The following LUC7L2 variants were observed in gnomAD, a reference collection of about 807,000 sequenced individuals.
LUC7L2 encodes LUC7 like 2, pre-mRNA splicing factor.
LUC7L2 carries 25 observed loss-of-function variants against 52.8 expected under a neutral mutation model. The ratio of observed to expected loss-of-function variants is 0.47; its 90% CI spans 0.34 to 0.66. The LOEUF (loss-of-function observed/expected upper bound fraction) is 0.66, where lower values mean the gene tolerates loss of function less well. Ranked by LOEUF, LUC7L2 falls within the 30% of genes least tolerant of loss-of-function variation. The probability of loss-of-function intolerance (pLI) is 0.01; values close to 1 mark genes in which losing one functional copy is unlikely to be tolerated. For missense variants in LUC7L2, 328 were observed against 497.8 expected, an observed-to-expected ratio of 0.66 and a Z score of 3.25; for synonymous variants, 144 against 160.9, an observed-to-expected ratio of 0.89 and a Z score of 0.80.
At chr7:139,412,881 G>C (rs1795429960) in intron 8 of LUC7L2, 1 of 172,938 alleles carries the variant, frequency 5.8e-6, no homozygotes, top group Non-Finnish European at 1.2e-5. Flanking sequence ...TAGATGCTCA[G>C]AGTAGATACG....
intron 9 of LUC7L2, among the ~76,000 whole-genome samples, chr7:139,421,650 A>G (rs1002496692): frequency 2.0e-5 from 3 of 152,210 alleles, no homozygotes; most frequent in African/African-American, 7.2e-5. Flanking sequence ...GGTGTTGGCA[A>G]ACTGTTGCCG....
chr7:139,412,622 C>A (rs540402016), intron 8 of LUC7L2, 42 bp downstream of exon 8: 36 of 1,551,508 alleles, frequency 2.3e-5, no homozygotes, highest in Non-Finnish European at 3.0e-5. Flanking sequence ...GTGAAGTTGT[C>A]TTTTTCAAAG....
chr7:139,399,413 C>A (rs1585116469), intron 3 of LUC7L2, among the ~76,000 whole-genome samples: 2 of 143,662 alleles, frequency 1.4e-5, no homozygotes, highest in African/African-American at 5.0e-5. Flanking sequence ...CAATCTCCCA[C>A]AGATACTGAG....
intron 1 of LUC7L2, among the ~76,000 whole-genome samples, chr7:139,354,155 T>G (rs537093026): frequency 3.9e-5 from 6 of 152,220 alleles, no homozygotes; most frequent in Admixed American, 2.0e-4. Context: ...GAGAACAAAC[T>G]TCCAATTCTG....
At chr7:139,366,093 C>T (rs572341409) in intron 1 of LUC7L2, among the ~76,000 whole-genome samples, 1 of 152,218 alleles carries the variant, frequency 6.6e-6, no homozygotes, top group African/African-American at 2.4e-5. Flanking sequence ...AAGTCAAAGC[C>T]GTCAGAAAGT....
chr7:139,357,152 A>G (rs1799629568), upstream of LUC7L2, among the ~76,000 whole-genome samples: 1 of 152,144 alleles, frequency 6.6e-6, no homozygotes, highest in Non-Finnish European at 1.5e-5. Context: ...ATAAAAATAT[A>G]ATAAAATGAA....
chr7:139,384,344 C>G (rs1435576277), intron 2 of LUC7L2, among the ~76,000 whole-genome samples: 2 of 151,188 alleles, frequency 1.3e-5, no homozygotes, highest in South Asian at 2.1e-4. Flanking sequence ...TGGCTCACTG[C>G]AACCTCTGCC....
chr7:139,385,747 CAT>C (rs1240167305), intron 2 of LUC7L2, among the ~76,000 whole-genome samples: 4 of 152,160 alleles, frequency 2.6e-5, no homozygotes, highest in African/African-American at 9.7e-5. Flanking sequence ...ATTTCAGTGT[CAT>C]ATTGATTTCT....
intron 1 of LUC7L2, among the ~76,000 whole-genome samples, chr7:139,341,729 A>C (rs1306201753): frequency 1.3e-5 from 2 of 152,162 alleles, no homozygotes; most frequent in Non-Finnish European, 2.9e-5. Context: ...GGGGGGGCGC[A>C]GAGTCGCTCT....
chr7:139,420,988 C>T (rs758544512), intron 9 of LUC7L2, among the ~76,000 whole-genome samples: 5 of 151,992 alleles, frequency 3.3e-5, no homozygotes, highest in Admixed American at 1.3e-4. Context: ...TAAGTAGAGA[C>T]GGGGGTTTCA....
At chr7:139,387,567 A>G (rs1794258387) in intron 2 of LUC7L2, among the ~76,000 whole-genome samples, 2 of 152,124 alleles carry the variant, frequency 1.3e-5, no homozygotes, top group South Asian at 4.1e-4. Flanking sequence ...AAAATTTTCG[A>G]TGAAGTGACA....
chr7:139,367,998 T>C (rs1409981677), intron 1 of LUC7L2, among the ~76,000 whole-genome samples: 4 of 152,220 alleles, frequency 2.6e-5, no homozygotes, highest in Admixed American at 1.3e-4. Flanking sequence ...CAGGGCATGT[T>C]GCTAGGACTA....
rs1563247438 is a variant in LUC7L2 at position 139,343,703 on chromosome 7, G to A, written c.-26+3186G>A. On this transcript the variant is annotated intron_variant, in intron 1 of 10. Transcript: ENST00000541170. ...TAATCCCAGCACTCTGGGAGGAGGCGGCAGGTGGATCGCTTGTGCCCAGGA... is the reference window on the plus strand; with the variant it reads ...TAATCCCAGCACTCTGGGAGGAGGCAGCAGGTGGATCGCTTGTGCCCAGGA... Among the ~76,000 whole-genome samples, 3 of 152,110 alleles carry A rather than the reference G, an allele frequency of 2.0e-5. 1 individual carries two copies. In the South Asian group the frequency reaches 6.2e-4, roughly 32 times the overall value.
chr7:139,374,558 CTTTTA>C (rs1800612221), intron 1 of LUC7L2: 12 of 1,546,124 alleles, frequency 7.8e-6, no homozygotes, highest in Admixed American at 3.9e-5. Flanking sequence ...ATCAAAATAA[CTTTTA>C]TTATAGTAGC....
In LUC7L2 at chr7:139,360,212, G is replaced by A. The variant is rs1322931326; in HGVS notation, c.-50G>A. ...CTTCCCCTTATCCCCCAGCCCAAAA[G>A]GGCCCGGTCTGCGCCCCACCCCCGC... On this transcript the variant is annotated 5_prime_UTR_variant, in exon 1 of 10. Transcript: ENST00000354926. 1.4e-6 allele frequency: 2 copies of A among 1,423,294 alleles called. No homozygotes were observed. The highest frequency in any genetic ancestry group is 1.9e-6 in the Non-Finnish European group (2 of 1,038,842). 88.2% of individuals were successfully genotyped at this position (1,423,294 alleles called of 1,614,324 possible). A position where few individuals can be genotyped will look rare whatever the true frequency, so the allele number is the denominator to read the frequency against.
At chr7:139,364,878 C>T (rs1480910287) in intron 1 of LUC7L2, among the ~76,000 whole-genome samples, 1 of 152,170 alleles carries the variant, frequency 6.6e-6, no homozygotes, top group Non-Finnish European at 1.5e-5. Flanking sequence ...ACATAATGAA[C>T]CATATTCATT....
At chr7:139,406,492 A>G (rs1161759225) in intron 5 of LUC7L2, among the ~76,000 whole-genome samples, 1 of 151,704 alleles carries the variant, frequency 6.6e-6, no homozygotes, top group Non-Finnish European at 1.5e-5. Context: ...AGCTGGGACT[A>G]CAGGTGTGCA....
chr7:139,398,816 GT>G, intron 3 of LUC7L2, 119 bp downstream of exon 3: 1 of 824,744 alleles, frequency 1.2e-6, no homozygotes, highest in Non-Finnish European at 1.8e-6. Flanking sequence ...TATATGAAGG[GT>G]AAGACTCAAG....
In LUC7L2 at chr7:139,402,217, A is replaced by G. The variant is rs375333106; in HGVS notation, c.336A>G (p.Gln112=). 6.8e-6 allele frequency: 11 copies of G among 1,610,294 alleles called. No individual in the cohort carries two copies. In the Admixed American group the frequency reaches 1.7e-4, roughly 25 times the overall value. Residue 112 remains glutamine (Q), a synonymous_variant, in exon 4 of 10, where the codon CAA becomes CAG. Transcript: ENST00000354926. The part of the protein sequence containing the change: ...EVAKKRLAET[Q]EEISAEVAAK... The stretch of plus-strand genomic sequence containing the variant: ...CCAAGAAAAGATTAGCAGAAACTCA[A>G]GAAGAGATTAGTGCTGAAGTAGCAG...
Sources: allele counts gnomAD v4.1 joint callset (sites outside exome capture counted in the v4.1 genomes callset), GRCh38; gene constraint gnomAD v4.1.1; transcripts MANE v1.5; gene names NCBI Gene and HGNC (gene_info 2026-07-23, HGNC 2026-07-21).